The following HPSE2 variants were observed in gnomAD, a reference collection of about 807,000 sequenced individuals.
The protein encoded by HPSE2 is inactive heparanase-2.
A neutral mutation model predicts 60.5 loss-of-function variants in HPSE2; 38 were observed. That is an observed-to-expected ratio of 0.63 (90% CI 0.48 to 0.82). The LOEUF (loss-of-function observed/expected upper bound fraction) is 0.82, where lower values mean the gene tolerates loss of function less well. Among genes scored for constraint, HPSE2 ranks in the 40% least tolerant of loss-of-function variants. The pLI is 0.00. For synonymous variants in HPSE2, 295 were observed against 293.2 expected (o/e 1.01, Z -0.06); for missense variants, 713 against 740.4 (o/e 0.96, Z 0.43).
At chr10:98,760,453 T>G (rs1949980678) in intron 3 of HPSE2, among the ~76,000 whole-genome samples, 1 of 152,106 alleles carries the variant, frequency 6.6e-6, no homozygotes, top group Non-Finnish European at 1.5e-5. Flanking sequence ...TATATGACCT[T>G]TATTATGTTG....
intron 4 of HPSE2, among the ~76,000 whole-genome samples, chr10:98,734,170 G>A (rs1949292842): frequency 6.6e-6 from 1 of 151,384 alleles, no homozygotes; most frequent in Non-Finnish European, 1.5e-5. Context: ...TCATCCATTT[G>A]TAGAATGTAT....
chr10:98,910,544 T>A (rs922847098), intron 3 of HPSE2, among the ~76,000 whole-genome samples: 5 of 152,222 alleles, frequency 3.3e-5, no homozygotes, highest in Admixed American at 2.6e-4. Flanking sequence ...AATATGTATT[T>A]TTAAATTCAG....
intron 3 of HPSE2, among the ~76,000 whole-genome samples, chr10:99,132,987 T>A (rs536228867): frequency 3.2e-4 from 49 of 152,296 alleles, no homozygotes; most frequent in South Asian, 2.3e-3. Flanking sequence ...TAAGATCCAC[T>A]GGCTTGAAAA....
At chr10:98,830,079 TTCACTCATTCATTCATTCATTCAC>T (rs1177994273) in intron 3 of HPSE2, among the ~76,000 whole-genome samples, 2 of 151,854 alleles carry the variant, frequency 1.3e-5, no homozygotes, top group African/African-American at 4.8e-5. Flanking sequence ...GCTATTCTCA[TTCACTCATTCATTCATTCATTCAC>T]TCACTCATTC....
At chr10:98,880,497 T>G (rs2134877771) in intron 3 of HPSE2, among the ~76,000 whole-genome samples, 1 of 152,188 alleles carries the variant, frequency 6.6e-6, no homozygotes, top group Middle Eastern at 3.4e-3. Flanking sequence ...TTTGCCTCTT[T>G]TAGACTTGTG....
chr10:98,994,483 G>C (rs1564721859), intron 3 of HPSE2, among the ~76,000 whole-genome samples: 1 of 151,810 alleles, frequency 6.6e-6, no homozygotes. Context: ...TCCCAAACAG[G>C]CATCATAGGC....
chr10:98,557,403 T>C (rs746283707), intron 9 of HPSE2, among the ~76,000 whole-genome samples: 2 of 152,236 alleles, frequency 1.3e-5, no homozygotes, highest in Admixed American at 1.3e-4. Context: ...ATAAATGCTG[T>C]TGAGTCAATT....
the HPSE2 span, among the ~76,000 whole-genome samples, chr10:99,289,870 C>T: frequency 1.5e-4 from 23 of 152,122 alleles, no homozygotes; most frequent in East Asian, 5.8e-4. Context: ...TACCAGCTAA[C>T]GAAAGGTTAT....
At chr10:99,002,779 TA>T (rs1434940095) in intron 3 of HPSE2, among the ~76,000 whole-genome samples, 2 of 152,016 alleles carry the variant, frequency 1.3e-5, no homozygotes, top group Non-Finnish European at 2.9e-5. Flanking sequence ...AATAGAAAAA[TA>T]AAAATTACAA....
intron 3 of HPSE2, among the ~76,000 whole-genome samples, chr10:98,824,369 T>C (rs1229841426): frequency 6.6e-6 from 1 of 152,234 alleles, no homozygotes; most frequent in East Asian, 1.9e-4. Flanking sequence ...AGCTATTCAC[T>C]AATACTGTGT....
chr10:98,732,708 G>A (rs1359924398), intron 4 of HPSE2, among the ~76,000 whole-genome samples: 2 of 152,000 alleles, frequency 1.3e-5, no homozygotes, highest in African/African-American at 2.4e-5. Flanking sequence ...AAAACTCCTT[G>A]TTATCTTGGA....
intron 6 of HPSE2, among the ~76,000 whole-genome samples, chr10:98,650,966 T>C (rs1326260208): frequency 6.6e-6 from 1 of 152,194 alleles, no homozygotes; most frequent in East Asian, 1.9e-4. Context: ...CTGCATGATG[T>C]TTCTTATGTC....
intron 4 of HPSE2, among the ~76,000 whole-genome samples, chr10:98,735,970 G>A (rs1015530393): frequency 4.6e-5 from 7 of 152,062 alleles, no homozygotes; most frequent in Non-Finnish European, 8.8e-5. Flanking sequence ...AGGCATGATT[G>A]GTTTTTAAAA....
intron 2 of HPSE2, among the ~76,000 whole-genome samples, chr10:99,218,788 A>G (rs953755544): frequency 8.5e-5 from 13 of 152,360 alleles, no homozygotes; most frequent in African/African-American, 3.1e-4. Context: ...AGTTTCACCT[A>G]TGGATTTTAA....
At chr10:99,308,596 G>C in the HPSE2 span, among the ~76,000 whole-genome samples, 2 of 151,930 alleles carry the variant, frequency 1.3e-5, no homozygotes, top group Non-Finnish European at 2.9e-5. Context: ...GGCTGCAAGG[G>C]TTACCCAGAG....
intron 2 of HPSE2, among the ~76,000 whole-genome samples, chr10:99,216,069 A>C (rs1387902985): frequency 2.0e-5 from 3 of 152,142 alleles, no homozygotes; most frequent in Admixed American, 6.5e-5. Context: ...AATCTAAAAA[A>C]TGTTTGTCAT....
At chr10:99,162,601 C>G (rs77079930) in intron 2 of HPSE2, among the ~76,000 whole-genome samples, 2,056 of 152,308 alleles carry the variant, frequency 0.013, 21 homozygotes, top group Non-Finnish European at 0.021. Context: ...TTTAGAAGAG[C>G]TTCTGTGCTG....
At chr10:99,050,952 CGT>C (rs147438459) in intron 3 of HPSE2, among the ~76,000 whole-genome samples, 107 of 149,106 alleles carry the variant, frequency 7.2e-4, no homozygotes, top group African/African-American at 2.0e-3. Flanking sequence ...TTGATTCAAT[CGT>C]GTGTGTGTGT....
chr10:99,281,273 T>C, the HPSE2 span, among the ~76,000 whole-genome samples: 1 of 148,616 alleles, frequency 6.7e-6, no homozygotes, highest in Non-Finnish European at 1.5e-5. Flanking sequence ...ATATACTATA[T>C]ATACTATACA....
Sources: allele counts gnomAD v4.1 joint callset (sites outside exome capture counted in the v4.1 genomes callset), GRCh38; gene constraint gnomAD v4.1.1; transcripts MANE v1.5; gene names NCBI Gene and HGNC (gene_info 2026-07-23, HGNC 2026-07-21).